Variants in FAM167A observed in about 807,000 individuals in gnomAD.
FAM167A encodes protein FAM167A.
FAM167A carries 23 observed loss-of-function variants against 14.9 expected under a neutral mutation model. That is an observed-to-expected ratio of 1.55 (90% CI 1.11 to 2.19). The LOEUF (loss-of-function observed/expected upper bound fraction) is 2.19, where lower values mean the gene tolerates loss of function less well. FAM167A is among the 30% of genes most tolerant of loss of function. The pLI, the probability that FAM167A is intolerant of heterozygous loss-of-function variation, is 0.00. For missense variants in FAM167A, 401 were observed against 281.5 expected (o/e 1.42, Z -3.04); for synonymous variants, 174 against 117.7 (o/e 1.48, Z -3.10).
At chr8:11,455,891 C>CCTGGTGTG (rs752624848) in intron 1 of FAM167A, among the ~76,000 whole-genome samples, 1 of 57,244 alleles carries the variant, frequency 1.7e-5, no homozygotes, top group African/African-American at 6.7e-5. Context: ...GGTTGCCTTG[C>CCTGGTGTG]AGAGTGTGAG....
At chr8:11,462,059 G>C (rs1224270444) in intron 1 of FAM167A, among the ~76,000 whole-genome samples, 14 of 152,228 alleles carry the variant, frequency 9.2e-5, no homozygotes, top group Admixed American at 7.2e-4. Flanking sequence ...CTGCACTGGG[G>C]TTTGGCAGGG....
intron 1 of FAM167A, among the ~76,000 whole-genome samples, chr8:11,447,775 C>G (rs1806849257): frequency 6.6e-6 from 1 of 152,250 alleles, no homozygotes; most frequent in Non-Finnish European, 1.5e-5. Flanking sequence ...CTTTGTGACG[C>G]TGGCACATTG....
rs111538108 is a variant in FAM167A, at chr8:11,423,216, G to C, written c.*1157C>G. 1 of 152,176 alleles carries C rather than the reference G, an allele frequency of 6.6e-6. No individual in the cohort carries two copies. Among genetic ancestry groups the C allele is most frequent in the Admixed American group, 6.6e-5 (1 of 15,266 alleles). 9.4% of individuals were successfully genotyped at this position (152,176 alleles called of 1,614,324 possible). ...CTGGCCGAGGGACCCCTGCCATGCCGTATGACCCCAGACTGACCTCCCTAA... is the reference window on the plus strand; with the variant it reads ...CTGGCCGAGGGACCCCTGCCATGCCCTATGACCCCAGACTGACCTCCCTAA... On this transcript the variant is annotated 3_prime_UTR_variant, in exon 3 of 3. Transcript: ENST00000284486.
chr8:11,474,443 C>G (rs570618589), intron 1 of FAM167A, among the ~76,000 whole-genome samples: 2 of 152,320 alleles, frequency 1.3e-5, no homozygotes, highest in African/African-American at 4.8e-5. Context: ...TGGGCACAGA[C>G]TCCAGAGCAC....
intron 1 of FAM167A, among the ~76,000 whole-genome samples, chr8:11,454,934 C>T (rs1357184194): frequency 6.6e-5 from 10 of 151,882 alleles, no homozygotes; most frequent in Non-Finnish European, 8.8e-5. Flanking sequence ...CCTCCTCCTC[C>T]GGGGTTGCCA....
At chr8:11,455,344 G>A (rs1366852157) in intron 1 of FAM167A, among the ~76,000 whole-genome samples, 3 of 147,056 alleles carry the variant, frequency 2.0e-5, no homozygotes, top group Non-Finnish European at 4.5e-5. Flanking sequence ...GCCTTGCTGT[G>A]TATGAGTGTG....
intron 1 of FAM167A, among the ~76,000 whole-genome samples, chr8:11,446,134 T>C (rs906874742): frequency 1.3e-5 from 2 of 148,402 alleles, no homozygotes; most frequent in African/African-American, 2.5e-5. Flanking sequence ...AAGATGAGGG[T>C]GGCAAAAGCT....
At chr8:11,472,526 G>A (rs913918204), upstream of FAM167A, among the ~76,000 whole-genome samples, 11 of 140,882 alleles carry the variant, frequency 7.8e-5, no homozygotes, top group African/African-American at 1.6e-4. Context: ...TGCAACCTCC[G>A]TCTCCTGGGT....
chr8:11,457,966 G>GTCTTT (rs1807400210), intron 1 of FAM167A, among the ~76,000 whole-genome samples: 1 of 152,148 alleles, frequency 6.6e-6, no homozygotes, highest in Non-Finnish European at 1.5e-5. Flanking sequence ...TTTGTGTCCC[G>GTCTTT]AGCACAGGGC....
At chr8:11,425,461 G>C (rs889403396) in intron 2 of FAM167A, among the ~76,000 whole-genome samples, 4 of 152,190 alleles carry the variant, frequency 2.6e-5, no homozygotes, top group Non-Finnish European at 5.9e-5. Flanking sequence ...TGTGGTGTAT[G>C]GAGCTAGCAG....
chr8:11,435,288 G>A (rs1034924800), intron 2 of FAM167A, among the ~76,000 whole-genome samples: 1 of 152,138 alleles, frequency 6.6e-6, no homozygotes, highest in Non-Finnish European at 1.5e-5. Flanking sequence ...CAGCCCCATG[G>A]GCGCCTGCTA....
chr8:11,451,289 C>T (rs1807016686), intron 1 of FAM167A, among the ~76,000 whole-genome samples: 1 of 152,236 alleles, frequency 6.6e-6, no homozygotes, highest in Admixed American at 6.5e-5. Flanking sequence ...CATCACAGCC[C>T]AGTGGCAAGG....
intron 1 of FAM167A, among the ~76,000 whole-genome samples, chr8:11,451,693 G>A (rs766657352): frequency 2.0e-5 from 3 of 152,170 alleles, no homozygotes; most frequent in African/African-American, 4.8e-5. Flanking sequence ...TTCAGGCCCC[G>A]ACTCTGAATT....
In FAM167A at chr8:11,444,581, G is replaced by A. The variant is rs531994267; in HGVS notation, c.-170C>T. ...GCTGGGTGGCAGGGGAGCTGAGAGG[G>A]ACCGCGCAGTGAGCCGCACAGGGCG... On this transcript the variant is annotated 5_prime_UTR_variant, in exon 2 of 3. Coordinates refer to ENST00000284486, the MANE Select transcript of FAM167A (RefSeq NM_053279.3). The A allele has an allele frequency of 7.0e-7, 1 of 1,436,348 alleles. No individual in the cohort carries two copies. Among genetic ancestry groups the A allele is most frequent in the Admixed American group, 3.0e-5 (1 of 33,400 alleles). The allele number at this position is 1,436,348 out of a possible 1,614,324, so 89.0% of individuals were successfully genotyped here.
intron 2 of FAM167A, among the ~76,000 whole-genome samples, chr8:11,441,573 C>T (rs898286536): frequency 3.3e-5 from 5 of 152,256 alleles, no homozygotes; most frequent in South Asian, 2.1e-4. Context: ...CCCAGTGGAA[C>T]CCTCTGCGTT....
upstream of FAM167A, chr8:11,466,911 G>A (rs182686761): frequency 2.1e-3 from 320 of 152,328 alleles, 1 homozygote; most frequent in African/African-American, 7.5e-3. Flanking sequence ...CTAGCGCCCT[G>A]TCGGTTCACC....
At chr8:11,445,667 CAG>C (rs1806743914) in intron 1 of FAM167A, 22 of 959,922 alleles carry the variant, frequency 2.3e-5, no homozygotes, top group Non-Finnish European at 2.7e-5. Flanking sequence ...ACATCAGACA[CAG>C]GGTAGAAATC....
intron 2 of FAM167A, chr8:11,434,799 G>GAT: frequency 2.9e-6 from 1 of 342,304 alleles, no homozygotes; most frequent in Non-Finnish European, 5.8e-6. Flanking sequence ...ACAGAGAGAG[G>GAT]ATGCTGATCA....
rs561442806 is a variant in FAM167A at position 11,426,856 on chromosome 8, A to G, written c.382-2220T>C. ...CACTGAATCTGCATTTTTATAGAAG[A>G]TAACATAAACACAAGGCACGTGAAG... On this transcript the variant is annotated intron_variant, in intron 2 of 2. Transcript: ENST00000284486. Among the ~76,000 whole-genome samples the G allele has an allele frequency of 4.6e-5, 7 of 152,316 alleles. 1 individual carries two copies. Among genetic ancestry groups the G allele is most frequent in the African/African-American group, 1.7e-4 (7 of 41,574 alleles).
Sources: gnomAD v4.1 joint callset for allele counts (sites outside exome capture counted in the v4.1 genomes callset) on GRCh38, gnomAD v4.1.1 for gene constraint, MANE v1.5 for transcripts, NCBI Gene and HGNC (gene_info 2026-07-23, HGNC 2026-07-21) for gene names.